The following CNBD2 variants were observed in gnomAD, a reference collection of about 807,000 sequenced individuals.
CNBD2 encodes the protein cyclic nucleotide-binding domain-containing protein 2.
Under a neutral mutation model 63.7 loss-of-function variants are expected in CNBD2, and 64 were observed. The observed-to-expected ratio is 1.00, with a 90% confidence interval of 0.82 to 1.24. The LOEUF is 1.24. CNBD2 is among the 50% of genes most tolerant of loss of function. The pLI is 0.00. For missense variants in CNBD2, 691 were observed against 713.5 expected, an observed-to-expected ratio of 0.97 and a Z score of 0.36; for synonymous variants, 229 against 255.4, an observed-to-expected ratio of 0.90 and a Z score of 0.99.
chr20:35,959,733 A>G (rs1391777816), downstream of CNBD2, among the ~76,000 whole-genome samples: 4 of 152,200 alleles, frequency 2.6e-5, no homozygotes, highest in Non-Finnish European at 5.9e-5. Context: ...TACTTTATTT[A>G]CAGATGAGAA....
At chr20:35,955,549 G>A (rs1199563949), downstream of CNBD2, among the ~76,000 whole-genome samples, 1 of 152,198 alleles carries the variant, frequency 6.6e-6, no homozygotes, top group Non-Finnish European at 1.5e-5. Flanking sequence ...TAAGCCGTTG[G>A]AGAGAAAGGG....
At chr20:36,005,322 A>T (rs915536424) in intron 8 of CNBD2, among the ~76,000 whole-genome samples, 37 of 152,162 alleles carry the variant, frequency 2.4e-4, no homozygotes, top group African/African-American at 8.2e-4. Context: ...GATGCCTCTC[A>T]TGCACAGTTC....
At chr20:35,974,342 G>T (rs1398680698) in intron 2 of CNBD2, 2 of 153,774 alleles carry the variant, frequency 1.3e-5, no homozygotes, top group Non-Finnish European at 2.9e-5. Context: ...GGCATGTAAT[G>T]GTGATGCAAT....
intron 8 of CNBD2, among the ~76,000 whole-genome samples, chr20:36,000,887 C>A: frequency 6.6e-6 from 1 of 151,130 alleles, no homozygotes; most frequent in Non-Finnish European, 1.5e-5. Flanking sequence ...AGGCAGAGGA[C>A]CCTGCGGCCT....
intron 6 of CNBD2, among the ~76,000 whole-genome samples, chr20:35,985,079 C>T (rs2056650092): frequency 6.6e-6 from 1 of 151,848 alleles, no homozygotes; most frequent in African/African-American, 2.4e-5. Context: ...GATCCCTGAA[C>T]CCAGGAGTTC....
At chr20:35,967,680 C>T (rs1407687037), upstream of CNBD2, among the ~76,000 whole-genome samples, 1 of 151,920 alleles carries the variant, frequency 6.6e-6, no homozygotes, top group Non-Finnish European at 1.5e-5. Flanking sequence ...TGGTGAAAGC[C>T]TGTCTTTACT....
At chr20:36,000,445 C>T (rs148899375) in intron 8 of CNBD2, among the ~76,000 whole-genome samples, 2,164 of 152,054 alleles carry the variant, frequency 0.014, 21 homozygotes, top group Middle Eastern at 0.041. Context: ...AGTGTAATCT[C>T]GGCTCACTGC....
At chr20:35,954,488 C>G, upstream of CNBD2, 1 of 1,543,556 alleles carries the variant, frequency 6.5e-7, no homozygotes, top group Non-Finnish European at 8.7e-7. Context: ...AAGCGAAAGT[C>G]TCTGGCTTCT....
chr20:35,962,518 C>T (rs1034411857), intron 2 of CNBD2, among the ~76,000 whole-genome samples: 2 of 152,090 alleles, frequency 1.3e-5, no homozygotes, highest in Admixed American at 6.5e-5. Flanking sequence ...TCTTGGACTC[C>T]CAAAGTGCTG....
chr20:35,973,057 A>C, intron 2 of CNBD2: 2 of 485,834 alleles, frequency 4.1e-6, no homozygotes, highest in South Asian at 4.7e-5. Flanking sequence ...TGCTGCCAAA[A>C]CTCATGGCAG....
intron 8 of CNBD2, among the ~76,000 whole-genome samples, chr20:35,996,660 A>T (rs1430285900): frequency 6.6e-6 from 1 of 151,898 alleles, no homozygotes; most frequent in Non-Finnish European, 1.5e-5. Context: ...GGCACATGCC[A>T]CCATGCCCGG....
At chr20:35,986,888 T>C (rs575832994) in intron 6 of CNBD2, among the ~76,000 whole-genome samples, 1 of 151,252 alleles carries the variant, frequency 6.6e-6, no homozygotes, top group South Asian at 2.1e-4. Context: ...GCAGAAAGAG[T>C]GGAGTCCAGA....
chr20:36,002,713 T>G (rs1183621589), intron 8 of CNBD2, among the ~76,000 whole-genome samples: 2 of 152,234 alleles, frequency 1.3e-5, no homozygotes, highest in Non-Finnish European at 2.9e-5. Flanking sequence ...TTGATTATGT[T>G]GTGCCTTGGT....
chr20:35,972,912 T>G (rs1430321126), intron 2 of CNBD2, 146 bp downstream of exon 2: 3 of 708,698 alleles, frequency 4.2e-6, no homozygotes, highest in Non-Finnish European at 7.0e-6. Context: ...TTAATGGCCA[T>G]ACTTCTGTTG....
intron 10 of CNBD2, among the ~76,000 whole-genome samples, chr20:36,016,429 T>C (rs1195976669): frequency 6.6e-6 from 1 of 152,158 alleles, no homozygotes; most frequent in Non-Finnish European, 1.5e-5. Flanking sequence ...AAACTGGATG[T>C]GGGGTATATG....
chr20:35,998,359 G>C (rs906505409), intron 8 of CNBD2, among the ~76,000 whole-genome samples: 3 of 151,932 alleles, frequency 2.0e-5, no homozygotes, highest in Non-Finnish European at 4.4e-5. Flanking sequence ...TGAATTCTAA[G>C]ATAACATACT....
chr20:36,004,571 CTT>C (rs534757185), intron 8 of CNBD2, among the ~76,000 whole-genome samples: 12 of 145,388 alleles, frequency 8.3e-5, no homozygotes, highest in Admixed American at 6.9e-5. Context: ...TATTCAATGT[CTT>C]TTTTTTTTTT....
chr20:35,970,106 A>C (rs951165988), intron 1 of CNBD2, among the ~76,000 whole-genome samples: 2 of 152,260 alleles, frequency 1.3e-5, no homozygotes, highest in African/African-American at 4.8e-5. Flanking sequence ...CCTGGGCAAC[A>C]AAGTGAAACC....
At chr20:36,018,662 G>A (rs1442436589) in intron 10 of CNBD2, among the ~76,000 whole-genome samples, 1 of 152,140 alleles carries the variant, frequency 6.6e-6, no homozygotes, top group East Asian at 1.9e-4. Context: ...CAGAGGGTGG[G>A]GCCTAGGGTG....
Sources: gnomAD v4.1 joint callset for allele counts (sites outside exome capture counted in the v4.1 genomes callset) on GRCh38, gnomAD v4.1.1 for gene constraint, MANE v1.5 for transcripts, NCBI Gene and HGNC (gene_info 2026-07-23, HGNC 2026-07-21) for gene names.